SSUH2: variants seen among roughly 807,000 people sequenced by gnomAD.
SSUH2 encodes the protein protein SSUH2 homolog.
Under a neutral mutation model 55.3 loss-of-function variants are expected in SSUH2, and 47 were observed. The observed-to-expected ratio is 0.85, with a 90% CI of 0.67 to 1.08. The LOEUF (loss-of-function observed/expected upper bound fraction) is 1.08, where lower values mean the gene tolerates loss of function less well. SSUH2 is among the 50% of genes least tolerant of loss of function. SSUH2 has a pLI of 0.00. For synonymous variants in SSUH2, 212 were observed against 191.5 expected, an observed-to-expected ratio of 1.11 and a Z score of -0.89; for missense variants, 535 against 490.7, an observed-to-expected ratio of 1.09 and a Z score of -0.85.
chr3:8,673,591 C>T (rs774750380), intron 3 of SSUH2, among the ~76,000 whole-genome samples: 1 of 152,214 alleles, frequency 6.6e-6, no homozygotes, highest in Non-Finnish European at 1.5e-5. Context: ...CACAACCACA[C>T]CTGGGTTGAT....
At chr3:8,680,575 G>GA (rs1217634469) in intron 1 of SSUH2, among the ~76,000 whole-genome samples, 1 of 152,068 alleles carries the variant, frequency 6.6e-6, no homozygotes, top group Non-Finnish European at 1.5e-5. Context: ...GCTGAAATTA[G>GA]AAACAATATC....
At chr3:8,658,217 T>G (rs1050141573) in intron 7 of SSUH2, among the ~76,000 whole-genome samples, 3 of 152,258 alleles carry the variant, frequency 2.0e-5, no homozygotes, top group African/African-American at 4.8e-5. Context: ...GGAGTGCCTG[T>G]GGCTAGCAGA....
chr3:8,680,881 C>A (rs1029625657), intron 1 of SSUH2, among the ~76,000 whole-genome samples: 4 of 151,996 alleles, frequency 2.6e-5, no homozygotes, highest in African/African-American at 9.7e-5. Context: ...GGAGTAATAT[C>A]ATCCTCTCCC....
chr3:8,652,937 G>A (rs1702570063), intron 7 of SSUH2, among the ~76,000 whole-genome samples: 1 of 152,218 alleles, frequency 6.6e-6, no homozygotes, highest in South Asian at 2.1e-4. Flanking sequence ...CCATCTCCCT[G>A]GGAGTGGGGA....
chr3:8,619,827 G>A lies in SSUH2; in HGVS notation c.*41C>T, dbSNP rs764054732. On this transcript the variant is annotated 3_prime_UTR_variant, in exon 12 of 12. Transcript: ENST00000544814. The stretch of plus-strand genomic sequence containing the variant: ...TCAGAGAGTGTCGGCCATCTTCCTT[G>A]GCAAACGTGAATGGCAGGCTCTGGG... The A allele has an allele frequency of 6.2e-7, 1 of 1,601,628 alleles. No individual in the cohort carries two copies. The highest frequency in any genetic ancestry group is 8.5e-7 in the Non-Finnish European group (1 of 1,173,446).
chr3:8,621,037 C>A (rs1404458799), intron 11 of SSUH2, among the ~76,000 whole-genome samples: 1 of 152,216 alleles, frequency 6.6e-6, no homozygotes, highest in East Asian at 1.9e-4. Flanking sequence ...AAACATTAGG[C>A]TCCCATCTGT....
At chr3:8,662,930 A>G (rs774272474) in intron 6 of SSUH2, among the ~76,000 whole-genome samples, 3 of 152,364 alleles carry the variant, frequency 2.0e-5, no homozygotes, top group Admixed American at 6.5e-5. Flanking sequence ...AATTTTTCCA[A>G]ATGCAAAATA....
chr3:8,626,810 C>T (rs1697675186), intron 8 of SSUH2: 1 of 153,544 alleles, frequency 6.5e-6, no homozygotes, highest in Admixed American at 6.5e-5. Flanking sequence ...CAAAGGAAAG[C>T]AGAGTGAGAG....
chr3:8,640,481 G>A (rs1217212274), intron 1 of SSUH2, among the ~76,000 whole-genome samples: 1 of 152,100 alleles, frequency 6.6e-6, no homozygotes, highest in Non-Finnish European at 1.5e-5. Context: ...TACATTAGAT[G>A]CCCTTACCCA....
intron 6 of SSUH2, among the ~76,000 whole-genome samples, chr3:8,661,424 G>A (rs748802382): frequency 7.2e-5 from 11 of 152,182 alleles, no homozygotes; most frequent in Non-Finnish European, 1.2e-4. Context: ...AAGAGTGGAT[G>A]CTATGGCTGA....
intron 5 of SSUH2, among the ~76,000 whole-genome samples, chr3:8,668,124 G>T (rs905811460): frequency 1.3e-5 from 2 of 151,984 alleles, no homozygotes; most frequent in African/African-American, 2.4e-5. Flanking sequence ...CAGCTATATG[G>T]AGAGTTAACA....
chr3:8,620,083 C>T (rs1696101441), intron 11 of SSUH2, 69 bp from the exon 12 acceptor site: 1 of 1,549,970 alleles, frequency 6.5e-7, no homozygotes, highest in Non-Finnish European at 8.8e-7. Flanking sequence ...CAGGAACTTT[C>T]AGTAGCTCCC....
chr3:8,657,484 AC>A (rs33997236), intron 7 of SSUH2, among the ~76,000 whole-genome samples: 29,803 of 151,866 alleles, frequency 0.2, 3,332 homozygotes, highest in East Asian at 0.25. Context: ...CTGACAGGCC[AC>A]CCTCCATGAG....
intron 1 of SSUH2, among the ~76,000 whole-genome samples, chr3:8,637,494 C>T (rs1000089964): frequency 6.6e-6 from 1 of 152,200 alleles, no homozygotes; most frequent in Non-Finnish European, 1.5e-5. Flanking sequence ...GGCAGCACTT[C>T]TGACCCCACT....
At chr3:8,678,647 TGG>T (rs1324773941) in intron 2 of SSUH2, among the ~76,000 whole-genome samples, 1 of 24,930 alleles carries the variant, frequency 4.0e-5, no homozygotes, top group Non-Finnish European at 7.8e-5. Context: ...CCCATCGCAG[TGG>T]GGGGAGGCAC....
intron 7 of SSUH2, among the ~76,000 whole-genome samples, chr3:8,658,083 G>A (rs1703110884): frequency 6.6e-6 from 1 of 152,218 alleles, no homozygotes; most frequent in Admixed American, 6.5e-5. Flanking sequence ...CATCCTAGCT[G>A]GGTAACCCTG....
intron 7 of SSUH2, among the ~76,000 whole-genome samples, chr3:8,656,959 C>A (rs907106843): frequency 6.6e-6 from 1 of 152,204 alleles, no homozygotes; most frequent in African/African-American, 2.4e-5. Flanking sequence ...CAGCTCACTT[C>A]AACCTCCACC....
chr3:8,644,358 G>T (rs775480335), intron 1 of SSUH2, among the ~76,000 whole-genome samples: 1 of 152,158 alleles, frequency 6.6e-6, no homozygotes, highest in African/African-American at 2.4e-5. Flanking sequence ...CTAGAGAAAA[G>T]AAGAAAAAGG....
rs746022376 is a variant in SSUH2, at chr3:8,630,768, A to C, written c.525+37T>G. 5.2e-6 allele frequency: 7 copies of C among 1,341,632 alleles called. No individual in the cohort carries two copies. The Admixed American group carries it at 2.1e-4, about 40-fold the overall frequency. The allele number at this position is 1,341,632 out of a possible 1,614,324, so 83.1% of individuals were successfully genotyped here. The stretch of plus-strand genomic sequence containing the variant: ...GTGCCTGGAAAGCCTCTCAGGGAGA[A>C]GGGCAAGTATTCCAGTAATCGCGTT... On this transcript the variant is annotated intron_variant, in intron 6 of 11. Transcript: ENST00000544814.
Sources: allele counts gnomAD v4.1 joint callset (sites outside exome capture counted in the v4.1 genomes callset), GRCh38; gene constraint gnomAD v4.1.1; transcripts MANE v1.5; gene names NCBI Gene and HGNC (gene_info 2026-07-23, HGNC 2026-07-21).